The following NFE2L1 variants were observed in gnomAD, a reference collection of about 807,000 sequenced individuals.
NFE2L1 encodes endoplasmic reticulum membrane sensor NFE2L1.
A neutral mutation model predicts 61.6 loss-of-function variants in NFE2L1; 18 were observed. That is an observed-to-expected ratio of 0.29 (90% CI 0.20 to 0.43). The LOEUF is 0.43. Among genes scored for constraint, NFE2L1 ranks in the 20% least tolerant of loss-of-function variants. The probability of loss-of-function intolerance (pLI) is 1.00; values close to 1 mark genes in which losing one functional copy is unlikely to be tolerated. For synonymous variants in NFE2L1, 419 were observed against 402.7 expected (o/e 1.04, Z -0.48); for missense variants, 827 against 973.5 (o/e 0.85, Z 2.00).
At chr17:48,050,012 C>T (rs377006462) in intron 1 of NFE2L1, among the ~76,000 whole-genome samples, 1 of 152,254 alleles carries the variant, frequency 6.6e-6, no homozygotes, top group South Asian at 2.1e-4. Flanking sequence ...TTTTGGATGA[C>T]CTGGTTATTG....
At chr17:48,050,011 A>G (rs2037208115) in intron 1 of NFE2L1, among the ~76,000 whole-genome samples, 1 of 152,194 alleles carries the variant, frequency 6.6e-6, no homozygotes. Flanking sequence ...ATTTTGGATG[A>G]CCTGGTTATT....
chr17:48,050,171 C>T (rs1356431164), intron 1 of NFE2L1, among the ~76,000 whole-genome samples: 1 of 152,158 alleles, frequency 6.6e-6, no homozygotes, highest in Non-Finnish European at 1.5e-5. Context: ...GTAAGTAGTC[C>T]TTTCTTCCTG....
intron 2 of NFE2L1, chr17:48,054,524 T>G: frequency 2.3e-5 from 23 of 1,011,798 alleles, no homozygotes; most frequent in East Asian, 4.2e-5. Flanking sequence ...TGGGAGGGGA[T>G]TGGCTCTTTG....
chr17:48,051,505 C>T lies in NFE2L1; in HGVS notation c.387C>T (p.Gly129=), dbSNP rs755371691. 1.9e-6 allele frequency: 3 copies of T among 1,614,076 alleles called. No homozygotes were observed. The highest frequency in any genetic ancestry group is 1.1e-5 in the South Asian group (1 of 91,074). ...NSGLALESSS[G]LQDVTGPDNG... ...GCCTCGCCCTCGAGAGTTCCAGTGGCCTCCAAGATGTGACAGGCCCAGACA... is the reference window on the plus strand; with the variant it reads ...GCCTCGCCCTCGAGAGTTCCAGTGGTCTCCAAGATGTGACAGGCCCAGACA... Residue 129 remains glycine, a synonymous_variant, in exon 2 of 6, where the codon GGC becomes GGT. Transcript: ENST00000362042.
Position 48,050,873 on chromosome 17 carries a change from T to C in NFE2L1, c.-246T>C, listed in dbSNP as rs2037231419. 1.7e-6 allele frequency: 1 copy of C among 605,326 alleles called. No individual in the cohort carries two copies. 37.5% of individuals were successfully genotyped at this position (605,326 alleles called of 1,614,324 possible). A position where few individuals can be genotyped will look rare whatever the true frequency, so the allele number is the denominator to read the frequency against. On this transcript the variant is annotated 5_prime_UTR_variant, in exon 2 of 6. Coordinates refer to ENST00000362042, the MANE Select transcript of NFE2L1 (RefSeq NM_003204.3). Reference sequence around the variant, plus strand: ...GACTGGGTTAGGAACAGTTGTACTTTCAGAGGTGAGGTGTCGAGAAGGGAA... The same window carrying C: ...GACTGGGTTAGGAACAGTTGTACTTCCAGAGGTGAGGTGTCGAGAAGGGAA...
chr17:48,056,968 A>G, intron 3 of NFE2L1, 64 bp from the exon 4 acceptor site: 2 of 1,538,878 alleles, frequency 1.3e-6, no homozygotes, highest in East Asian at 4.6e-5. Flanking sequence ...ATTCTGGGAA[A>G]GAAGCTTCAG....
chr17:48,056,441 G>T lies in NFE2L1; in HGVS notation c.566G>T (p.Arg189Leu), dbSNP rs767878243. The T allele has an allele frequency of 5.6e-6, 9 of 1,614,070 alleles. No individual in the cohort carries two copies. The highest frequency in any genetic ancestry group is 7.6e-6 in the Non-Finnish European group (9 of 1,180,040). ...CAGGATATTGATCTGGGGGCTGGGC[G>T]TGAGGTTTTTGACTATAGTCACCGC... ...WRQDIDLGAG[R>L]EVFDYSHRQK... Residue 189 changes from arginine to leucine, a missense_variant, in exon 3 of 6, where the codon CGT becomes CTT. Coordinates refer to ENST00000362042, the MANE Select transcript of NFE2L1 (RefSeq NM_003204.3).
intron 1 of NFE2L1, among the ~76,000 whole-genome samples, chr17:48,049,469 C>G (rs1298650264): frequency 2.6e-5 from 4 of 152,068 alleles, no homozygotes; most frequent in Non-Finnish European, 5.9e-5. Context: ...ATCGGCCCAC[C>G]ACAACCTCCG....
chr17:48,057,622 T>C, intron 5 of NFE2L1, 120 bp downstream of exon 5: 1 of 1,299,870 alleles, frequency 7.7e-7, no homozygotes, highest in Non-Finnish European at 1.0e-6. Flanking sequence ...CATAGAGAAG[T>C]GGGGACAATG....
chr17:48,059,847 C>T lies in NFE2L1; in HGVS notation c.*206C>T, dbSNP rs1334624053. 1.5e-6 allele frequency: 1 copy of T among 676,548 alleles called. No homozygotes were observed. The highest frequency in any genetic ancestry group is 1.8e-5 in the African/African-American group (1 of 55,694). The allele number at this position is 676,548 out of a possible 1,614,324, so 41.9% of individuals were successfully genotyped here. ...CTCGGGTGGAGTGGAAGTGGCCAGA[C>T]CATTTAGACGGACAGGGTCCTCACC... On this transcript the variant is annotated 3_prime_UTR_variant, in exon 6 of 6. Transcript: ENST00000362042. The surrounding 1 kb of genome is among the most constrained non-coding windows in gnomAD (Gnocchi z 6.1).
chr17:48,054,042 G>GGGCCTGGGT (rs754277707), intron 2 of NFE2L1, among the ~76,000 whole-genome samples: 14 of 152,170 alleles, frequency 9.2e-5, no homozygotes, highest in Non-Finnish European at 1.5e-4. Context: ...GGCTTATGGT[G>GGGCCTGGGT]GGCCTGGGTG....
rs1007572471 is a variant in NFE2L1, at chr17:48,059,202, A to G, written c.1880A>G (p.Asn627Ser). The change falls in exon 6 of 6, where the codon AAT becomes AGT. Residue 627 changes from asparagine (N) to serine (S), a missense_variant. Around this residue, in one of 3 missense-constraint regions of NFE2L1, gnomAD observed 74 missense variants for 127.8 expected, o/e 0.58. Coordinates refer to ENST00000362042, the MANE Select transcript of NFE2L1 (RefSeq NM_003204.3). This position sits in a 1 kb window ranked among gnomAD's most constrained non-coding sequence, Gnocchi z 6.1. ...CGAGCCATGAAGATCCCTTTCACCA[A>G]TGACAAAATCATCAACCTGCCTGTG... ...RARAMKIPFT[N>S]DKIINLPVEE... is the part of the protein sequence containing the mutation. 3.7e-6 allele frequency: 6 copies of G among 1,614,130 alleles called. No individual in the cohort carries two copies. Among genetic ancestry groups the G allele is most frequent in the African/African-American group, 1.3e-5 (1 of 75,034 alleles).
At chr17:48,054,560 A>C in intron 2 of NFE2L1, 9 of 994,962 alleles carry the variant, frequency 9.0e-6, no homozygotes, top group Admixed American at 8.2e-5. Flanking sequence ...GACCTGGGGG[A>C]GGGGATTGGC....
intron 4 of NFE2L1, 43 bp downstream of exon 4, chr17:48,057,164 G>T: frequency 6.2e-7 from 1 of 1,606,060 alleles, no homozygotes; most frequent in Non-Finnish European, 8.5e-7. Flanking sequence ...GAGCAGGGCA[G>T]CCTGTACCTG....
In NFE2L1 at chr17:48,057,067, G is replaced by A. The variant is rs750084182; in HGVS notation, c.759G>A (p.Leu253=). The change falls in exon 4 of 6, where the codon CTG becomes CTA. Residue 253 remains leucine (L), a synonymous_variant. Transcript: ENST00000362042. ...GGGAGGACCAGACGGCCCTGTCCCT[G>A]GAAGAGTGCCTTAGGCTGCTGGAAG... ...PSGEDQTALS[L]EECLRLLEAT... 5 of 1,613,716 alleles carry A rather than the reference G, an allele frequency of 3.1e-6. No homozygotes were observed. The African/African-American group carries it at 5.3e-5, about 17-fold the overall frequency.
In NFE2L1 at chr17:48,060,223, A is replaced by G. The variant is rs7212037; in HGVS notation, c.*582A>G. ...AGACACAGGGTGGGGGTGGGGAGGGACGGTGTTAACTCTTTCTGCTCCTTG... is the reference window on the plus strand; with the variant it reads ...AGACACAGGGTGGGGGTGGGGAGGGGCGGTGTTAACTCTTTCTGCTCCTTG... On this transcript the variant is annotated 3_prime_UTR_variant, in exon 6 of 6. Transcript: ENST00000362042. 147,453 of 147,454 alleles carry G rather than the reference A, an allele frequency of 1. 73,726 individuals are homozygous for G. Among genetic ancestry groups the G allele is most frequent in the Middle Eastern group, 1 (292 of 292 alleles). 9.1% of individuals were successfully genotyped at this position (147,454 alleles called of 1,614,324 possible).
At position 48,054,595 on chromosome 17, in the gene NFE2L1, G is replaced by A. The variant is rs1221409636; in HGVS notation, c.511-1791G>A. Reference sequence around the variant, plus strand: ...CTCTCTGCAGCCTCAGCAGTGACCTGCGGGGTGGGAGGGGGTGGGGATTGG... The same window carrying A: ...CTCTCTGCAGCCTCAGCAGTGACCTACGGGGTGGGAGGGGGTGGGGATTGG... On this transcript the variant is annotated intron_variant, in intron 2 of 5. Transcript: ENST00000362042. The A allele has an allele frequency of 9.7e-6, 12 of 1,232,408 alleles. No homozygotes were observed. In the African/African-American group the frequency reaches 1.9e-4, roughly 19 times the overall value. 76.3% of individuals were successfully genotyped at this position (1,232,408 alleles called of 1,614,324 possible).
In NFE2L1 at chr17:48,059,296, C is replaced by A; in HGVS notation, c.1974C>A (p.Ile658=). 6.2e-7 allele frequency: 1 copy of A among 1,614,200 alleles called. No homozygotes were observed. The change falls in exon 6 of 6, where the codon ATC becomes ATA. Residue 658 remains isoleucine (I), a synonymous_variant. Coordinates refer to ENST00000362042, the MANE Select transcript of NFE2L1 (RefSeq NM_003204.3). The surrounding 1 kb of genome is among the most constrained non-coding windows in gnomAD (Gnocchi z 6.1). ...SEAQLSLIRD[I]RRRGKNKMAA... ...CCCAGCTGAGCCTCATCCGAGACAT[C>A]CGGCGCCGGGGCAAGAACAAGATGG... is the stretch of plus-strand genomic sequence containing the variant.
intron 2 of NFE2L1, among the ~76,000 whole-genome samples, chr17:48,052,101 C>T (rs1464938650): frequency 6.6e-6 from 1 of 152,160 alleles, no homozygotes; most frequent in Non-Finnish European, 1.5e-5. Context: ...TTCAGACCTC[C>T]TGGGCCTGAG....
Sources: allele counts gnomAD v4.1 joint callset (sites outside exome capture counted in the v4.1 genomes callset), GRCh38; gene constraint gnomAD v4.1.1; regional missense constraint gnomAD v4.1.1; non-coding constraint Gnocchi (gnomAD v3.1); transcripts MANE v1.5; gene names NCBI Gene and HGNC (gene_info 2026-07-23, HGNC 2026-07-21).